Variants in MACF1 observed in about 807,000 individuals in gnomAD.
MACF1 encodes microtubule-actin cross-linking factor 1.
A neutral mutation model predicts 854.8 loss-of-function variants in MACF1; 193 were observed. The observed-to-expected ratio is 0.23, with a 90% confidence interval of 0.20 to 0.25. MACF1 has a LOEUF of 0.25. Ranked by LOEUF, MACF1 falls within the 10% of genes least tolerant of loss-of-function variation. The pLI, the probability that MACF1 is intolerant of heterozygous loss-of-function variation, is 1.00. For missense variants in MACF1, 7,722 were observed against 8,929.1 expected (o/e 0.86, Z 5.45); for synonymous variants, 3,185 against 3,226.7 (o/e 0.99, Z 0.44).
chr1:39,290,025 G>A (rs1645744172), intron 15 of MACF1, among the ~76,000 whole-genome samples: 1 of 151,952 alleles, frequency 6.6e-6, no homozygotes, highest in African/African-American at 2.4e-5. Flanking sequence ...TTGATTCACT[G>A]TGCAGAAGCT....
intron 58 of MACF1, 116 bp downstream of exon 58, chr1:39,388,774 A>C: frequency 1.0e-6 from 1 of 954,394 alleles, no homozygotes; most frequent in Non-Finnish European, 1.5e-6. Flanking sequence ...TGTCACTTCC[A>C]TCACCATGAA....
intron 58 of MACF1, among the ~76,000 whole-genome samples, chr1:39,403,584 A>G (rs1253793626): frequency 6.6e-6 from 1 of 152,186 alleles, no homozygotes. Context: ...CCTAAGAGTA[A>G]CACTATATGG....
In MACF1 at chr1:39,430,720, A is replaced by T. The variant is rs759545492; in HGVS notation, c.17149A>T (p.Met5717Leu). ...TCCTTAGGAATTAAAGAAGGAGGTC[A>T]TGGAGCACAGGCTGGTGTTGGACAC... ...QRQKELKKEV[M>L]EHRLVLDTVN... The change falls in exon 66 of 101, where the codon ATG becomes TTG. Residue 5717 changes from methionine to leucine, a missense_variant. Around this residue, in one of 15 missense-constraint regions of MACF1, gnomAD observed 2,807 missense variants for 3,235.8 expected, o/e 0.87. Coordinates refer to ENST00000564288, the MANE Select transcript of MACF1 (RefSeq NM_001394062.1). The T allele has an allele frequency of 6.2e-7, 1 of 1,612,136 alleles. No individual in the cohort carries two copies. The highest frequency in any genetic ancestry group is 8.5e-7 in the Non-Finnish European group (1 of 1,179,962).
chr1:39,304,811 C>T lies in MACF1; in HGVS notation c.2789+1733C>T, dbSNP rs891875727. ...TCTCCTGACCTTGTGATCCACCCAC[C>T]TTGGCCTCCCAAAGTGCTGGGATTA... On this transcript the variant is annotated intron_variant, in intron 23 of 100. Coordinates refer to ENST00000564288, the MANE Select transcript of MACF1 (RefSeq NM_001394062.1). The T allele has an allele frequency of 1.7e-5, 4 of 236,938 alleles. No homozygotes were observed. The Admixed American group carries it at 2.1e-4, about 13-fold the overall frequency. The allele number at this position is 236,938 out of a possible 1,614,324, so 14.7% of individuals were successfully genotyped here.
At position 39,459,110 on chromosome 1, in the gene MACF1, C is replaced by T. The variant is rs530588593; in HGVS notation, c.21221C>T (p.Pro7074Leu). 1 of 1,613,442 alleles carries T rather than the reference C, an allele frequency of 6.2e-7. No individual in the cohort carries two copies. The highest frequency in any genetic ancestry group is 1.7e-4 in the Middle Eastern group (1 of 6,060). The change falls in exon 91 of 101, where the codon CCT (proline) becomes CTT (leucine). Residue 7074 changes from proline (P) to leucine (L), a missense_variant. Transcript: ENST00000564288. Reference protein sequence around the residue: ...GGRKSLSQPTPPPMPILSQSE... With the variant: ...GGRKSLSQPTLPPMPILSQSE... ...GGGAAATCCCTAAGTCAGCCAACCC[C>T]TCCTCCCATGCCAATCCTTTCACAG...
intron 2 of MACF1, among the ~76,000 whole-genome samples, chr1:39,185,657 T>C (rs1220133399): frequency 2.6e-5 from 4 of 152,342 alleles, no homozygotes; most frequent in African/African-American, 9.6e-5. Flanking sequence ...TGGCTGATCA[T>C]GAGTTTTGTT....
intron 2 of MACF1, among the ~76,000 whole-genome samples, chr1:39,234,631 G>T (rs1644832847): frequency 2.3e-5 from 2 of 86,244 alleles, no homozygotes; most frequent in Non-Finnish European, 4.8e-5. Flanking sequence ...GGGGCGGCTG[G>T]CCGGGCGGGG....
intron 51 of MACF1, 137 bp from the exon 52 acceptor site, chr1:39,372,342 G>C (rs1331255560): frequency 1.7e-6 from 1 of 584,388 alleles, no homozygotes; most frequent in East Asian, 3.0e-5. Flanking sequence ...ATAGATATTT[G>C]ATAAATGAAT....
At chr1:39,154,855 C>T (rs558882333) in intron 2 of MACF1, among the ~76,000 whole-genome samples, 2 of 152,080 alleles carry the variant, frequency 1.3e-5, no homozygotes, top group Non-Finnish European at 2.9e-5. Flanking sequence ...GGTGTCTGTG[C>T]CTTTGTAAGG....
intron 2 of MACF1, among the ~76,000 whole-genome samples, chr1:39,240,043 C>T (rs1257954602): frequency 6.6e-6 from 1 of 152,158 alleles, no homozygotes; most frequent in Admixed American, 6.6e-5. Flanking sequence ...TGAGCCACCA[C>T]ACCTGGCCCA....
In MACF1 at chr1:39,357,714, A is replaced by G. The variant is rs1359672528; in HGVS notation, c.11764A>G (p.Ser3922Gly). The change falls in exon 45 of 101, where the codon AGC (serine) becomes GGC (glycine). Residue 3922 changes from serine (S) to glycine (G), a missense_variant. Transcript: ENST00000564288. ...TCCCTCCCTGCTAAAGCGGCAAGGAAGCTTCTCAGAGGATGTCATTTCCCA... is the reference window on the plus strand; with the variant it reads ...TCCCTCCCTGCTAAAGCGGCAAGGAGGCTTCTCAGAGGATGTCATTTCCCA... ...TLPSLLKRQG[S>G]FSEDVISHKG... 1 of 1,614,076 alleles carries G rather than the reference A, an allele frequency of 6.2e-7. No homozygotes were observed. The highest frequency in any genetic ancestry group is 1.3e-5 in the African/African-American group (1 of 74,932).
At chr1:39,169,972 G>A (rs1341791164) in intron 2 of MACF1, among the ~76,000 whole-genome samples, 2 of 150,696 alleles carry the variant, frequency 1.3e-5, no homozygotes, top group Non-Finnish European at 3.0e-5. Flanking sequence ...TAGTAGAGAT[G>A]GGGTTTCACC....
chr1:39,348,975 A>G (rs1200778647), intron 41 of MACF1, among the ~76,000 whole-genome samples: 1 of 152,124 alleles, frequency 6.6e-6, no homozygotes, highest in African/African-American at 2.4e-5. Flanking sequence ...GATTGATGAG[A>G]CATTTGATTT....
chr1:39,451,280 A>T, intron 85 of MACF1, 69 bp downstream of exon 85: 2 of 1,436,134 alleles, frequency 1.4e-6, no homozygotes, highest in East Asian at 5.0e-5. Flanking sequence ...AGGGTCTTCT[A>T]CATATGACTG....
intron 58 of MACF1, among the ~76,000 whole-genome samples, chr1:39,398,351 C>T (rs1278504027): frequency 6.6e-6 from 1 of 152,040 alleles, no homozygotes; most frequent in African/African-American, 2.4e-5. Context: ...GTTGCCAAGG[C>T]CGGCCTTGAA....
At chr1:39,345,848 A>C (rs1435996954) in intron 40 of MACF1, among the ~76,000 whole-genome samples, 1 of 152,146 alleles carries the variant, frequency 6.6e-6, no homozygotes, top group Non-Finnish European at 1.5e-5. Flanking sequence ...AGGGCAGATC[A>C]CTTGAGGCCG....
intron 2 of MACF1, among the ~76,000 whole-genome samples, chr1:39,138,303 G>A (rs1643235566): frequency 6.6e-6 from 1 of 151,542 alleles, no homozygotes; most frequent in Admixed American, 6.6e-5. Flanking sequence ...CTGGTGGTAG[G>A]CTGGACGCGG....
rs1193659731 is a variant in MACF1 at position 39,105,245 on chromosome 1, G to A, written c.220+20807G>A. Among the ~76,000 whole-genome samples the A allele has an allele frequency of 4.0e-5, 6 of 151,054 alleles. No homozygotes were observed. The highest frequency in any genetic ancestry group is 2.1e-4 in the South Asian group (1 of 4,834). On this transcript the variant is annotated intron_variant, in intron 2 of 93. Coordinates refer to the MACF1 transcript ENST00000361689. The surrounding 1 kb of genome is among the most constrained non-coding windows in gnomAD (Gnocchi z 5.9). ...GCCCAGCCGGCCGCAGCCTGGGGCC[G>A]AGGACTCGCCGGGACCCGGAGGCGG...
intron 2 of MACF1, among the ~76,000 whole-genome samples, chr1:39,145,418 TCCTC>T (rs1309188274): frequency 6.6e-6 from 1 of 152,166 alleles, no homozygotes; most frequent in Non-Finnish European, 1.5e-5. Context: ...TGTTCTTAGT[TCCTC>T]CCTTCCTAGT....
Sources: gnomAD v4.1 joint callset for allele counts (sites outside exome capture counted in the v4.1 genomes callset) on GRCh38, gnomAD v4.1.1 for gene constraint, gnomAD v4.1.1 regional missense constraint, Gnocchi (gnomAD v3.1) non-coding constraint, MANE v1.5 for transcripts, NCBI Gene and HGNC (gene_info 2026-07-23, HGNC 2026-07-21) for gene names.